Variants in ITGAE observed in about 807,000 individuals in gnomAD.
ITGAE encodes the protein integrin subunit alpha E.
ITGAE carries 99 observed loss-of-function variants against 136.5 expected under a neutral mutation model. The observed-to-expected ratio is 0.73, with a 90% confidence interval of 0.62 to 0.86. ITGAE has a LOEUF of 0.86. ITGAE is among the 40% of genes least tolerant of loss of function. The pLI, the probability that ITGAE is intolerant of heterozygous loss-of-function variation, is 0.00. For synonymous variants in ITGAE, 613 were observed against 591.8 expected (o/e 1.04, Z -0.52); for missense variants, 1,447 against 1,515.3 (o/e 0.95, Z 0.75).
intron 2 of ITGAE, among the ~76,000 whole-genome samples, chr17:3,774,498 T>C (rs1437381148): frequency 2.0e-5 from 3 of 152,180 alleles, no homozygotes; most frequent in Admixed American, 1.3e-4. Context: ...GTGCGGTGGC[T>C]CATGCCTGTA....
chr17:3,750,188 T>A (rs78548824), intron 16 of ITGAE, among the ~76,000 whole-genome samples, 164 bp downstream of exon 16: 2,235 of 152,160 alleles, frequency 0.015, 37 homozygotes, highest in South Asian at 0.047. Context: ...CTGAGAGGGC[T>A]GAGAGCTGAG....
chr17:3,734,776 G>T (rs767500863), intron 21 of ITGAE, 41 bp downstream of exon 21: 11 of 1,611,654 alleles, frequency 6.8e-6, no homozygotes, highest in Non-Finnish European at 8.5e-6. Flanking sequence ...AGCGAGGGAG[G>T]GGCGTGAGGG....
rs193218891 is a variant in ITGAE at position 3,733,380 on chromosome 17, T to C, written c.2656-914A>G. On this transcript the variant is annotated intron_variant, in intron 21 of 30. Coordinates refer to ENST00000263087, the MANE Select transcript of ITGAE (RefSeq NM_002208.5). ...CTACAGTCCAACAAATTCAAATTTA[T>C]TGACTCACTGCAATGAGGAAAACTA... 3.7e-3 allele frequency among the ~76,000 whole-genome samples: 570 copies of C among 152,330 alleles called. 2 individuals carry two copies. The highest frequency in any genetic ancestry group is 0.027 in the Middle Eastern group (8 of 294).
intron 1 of ITGAE, among the ~76,000 whole-genome samples, chr17:3,793,973 C>CTTTTTTT (rs5818917): frequency 1.2e-5 from 1 of 81,198 alleles, no homozygotes; most frequent in African/African-American, 5.7e-5. Context: ...CCTCTTCATC[C>CTTTTTTT]TTTTTTTTTT....
chr17:3,752,974 G>A (rs1000699978), intron 14 of ITGAE, among the ~76,000 whole-genome samples: 2 of 152,232 alleles, frequency 1.3e-5, no homozygotes, highest in African/African-American at 2.4e-5. Context: ...CTTGAACCCC[G>A]GAGGCAGAGG....
Position 3,735,037 on chromosome 17 carries a change from G to A in ITGAE, c.2523-88C>T, listed in dbSNP as rs1775723857. The A allele has an allele frequency of 4.8e-6, 7 of 1,469,954 alleles. No homozygotes were observed. In the South Asian group the frequency reaches 8.5e-5, roughly 18 times the overall value. The allele number at this position is 1,469,954 out of a possible 1,614,324, so 91.1% of individuals were successfully genotyped here. On this transcript the variant is annotated intron_variant, in intron 20 of 30. Transcript: ENST00000263087. The stretch of plus-strand genomic sequence containing the variant: ...CAATAGGACATTCACCGAGGCTAGA[G>A]CGTGGTGCTGTGGTGCAATGATCAC...
chr17:3,786,046 A>G (rs2052788071), intron 1 of ITGAE, among the ~76,000 whole-genome samples: 2 of 151,526 alleles, frequency 1.3e-5, no homozygotes, highest in African/African-American at 2.4e-5. Flanking sequence ...GGGCGCCTGT[A>G]GTCCCAGCTA....
At chr17:3,725,119 T>C in intron 26 of ITGAE, 2 of 1,614,148 alleles carry the variant, frequency 1.2e-6, no homozygotes, top group South Asian at 1.1e-5. Context: ...AAGAAGAAAA[T>C]TGTGACTGAT....
At chr17:3,755,628 C>T (rs1470870988) in intron 11 of ITGAE, among the ~76,000 whole-genome samples, 1 of 152,214 alleles carries the variant, frequency 6.6e-6, no homozygotes, top group Non-Finnish European at 1.5e-5. Context: ...GACTGCACCG[C>T]TGCACTCCAG....
At chr17:3,754,010 C>CT (rs1261510892) in intron 12 of ITGAE, 85 bp from the exon 13 acceptor site, 5 of 1,522,320 alleles carry the variant, frequency 3.3e-6, no homozygotes, top group Admixed American at 1.9e-5. Flanking sequence ...CCAGTCAGGC[C>CT]TTCAAAGTGG....
chr17:3,770,955 G>A (rs1298036001), intron 2 of ITGAE, among the ~76,000 whole-genome samples: 2 of 152,138 alleles, frequency 1.3e-5, no homozygotes, highest in East Asian at 1.9e-4. Context: ...AACGCTGACT[G>A]AAACCTGCTC....
At chr17:3,754,596 T>C (rs560085911) in intron 12 of ITGAE, 56 of 48,914 alleles carry the variant, frequency 1.1e-3, no homozygotes, top group Non-Finnish European at 1.8e-3. Context: ...GGGTGGCTGC[T>C]GTGCCTGGTG....
At chr17:3,775,686 T>C (rs2052523468) in intron 2 of ITGAE, among the ~76,000 whole-genome samples, 1 of 151,458 alleles carries the variant, frequency 6.6e-6, no homozygotes, top group South Asian at 2.1e-4. Flanking sequence ...CCAGCCTAGG[T>C]CTCGAATTCC....
chr17:3,751,894 C>T lies in ITGAE; in HGVS notation c.1669-20G>A, dbSNP rs148227518. On this transcript the variant is annotated intron_variant, in intron 14 of 30. Transcript: ENST00000263087. ...ACCATCCTGTAAAGCAAACAAACAG[C>T]TCAGCCCTCAAGAAGGGGTGCTAGG... 12,551 of 1,604,514 alleles carry T rather than the reference C, an allele frequency of 7.8e-3. 130 individuals are homozygous for T. The highest frequency in any genetic ancestry group is 0.02 in the African/African-American group (1,519 of 74,842).
chr17:3,742,126 C>G (rs1045678281), intron 19 of ITGAE, among the ~76,000 whole-genome samples: 1 of 152,122 alleles, frequency 6.6e-6, no homozygotes, highest in Non-Finnish European at 1.5e-5. Context: ...GAAGAAATAT[C>G]AGACAAATTG....
In ITGAE at chr17:3,739,139, C is replaced by T. The variant is rs368562989; in HGVS notation, c.2522+666G>A. ...CCTGCAGCTGCTCTTCCCTTAGACACCCAACCACATAGCTCGTTCCCCTAC... is the reference window on the plus strand; with the variant it reads ...CCTGCAGCTGCTCTTCCCTTAGACATCCAACCACATAGCTCGTTCCCCTAC... On this transcript the variant is annotated intron_variant, in intron 20 of 30. Transcript: ENST00000263087. Among the ~76,000 whole-genome samples, 9 of 152,150 alleles carry T rather than the reference C, an allele frequency of 5.9e-5. No individual in the cohort carries two copies. In the East Asian group the frequency reaches 1.7e-3, roughly 29 times the overall value.
At chr17:3,762,660 C>G (rs1005940219) in intron 3 of ITGAE, among the ~76,000 whole-genome samples, 1 of 144,668 alleles carries the variant, frequency 6.9e-6, no homozygotes, top group Admixed American at 7.1e-5. Flanking sequence ...TGCAGTGGCG[C>G]AATCTCGGCT....
Position 3,761,160 on chromosome 17 carries a change from C to T in ITGAE, c.451G>A (p.Asp151Asn), listed in dbSNP as rs777919468. The T allele has an allele frequency of 6.2e-7, 1 of 1,608,414 alleles. No homozygotes were observed. The highest frequency in any genetic ancestry group is 8.5e-7 in the Non-Finnish European group (1 of 1,177,758). The change falls in exon 6 of 31, where the codon GAT becomes AAT. Residue 151 changes from aspartate (D) to asparagine (N), a missense_variant. Transcript: ENST00000263087. ...CAGTCTCCAGTGTCCACACGTGCAT[C>T]TGGATCCAGGAGATTTTCTTTAAAA... ...FFDLENLLDP[D>N]ARVDTGDCYS...
intron 9 of ITGAE, among the ~76,000 whole-genome samples, chr17:3,757,457 C>T (rs900401539): frequency 1.3e-5 from 2 of 152,182 alleles, no homozygotes; most frequent in African/African-American, 4.8e-5. Context: ...CTTGGCACCG[C>T]GGTCCTCCAG....
Sources: allele counts gnomAD v4.1 joint callset (sites outside exome capture counted in the v4.1 genomes callset), GRCh38; gene constraint gnomAD v4.1.1; transcripts MANE v1.5; gene names NCBI Gene and HGNC (gene_info 2026-07-23, HGNC 2026-07-21).